The following YWHAG variants were observed in gnomAD, a reference collection of about 807,000 sequenced individuals.
YWHAG encodes 14-3-3 protein gamma.
YWHAG carries 1 observed loss-of-function variant against 23.3 expected under a neutral mutation model. The ratio of observed to expected loss-of-function variants is 0.04; its 90% CI spans 0.02 to 0.20. The LOEUF (loss-of-function observed/expected upper bound fraction) is 0.20. YWHAG is among the 10% of genes least tolerant of loss of function. YWHAG has a pLI of 1.00. For missense variants in YWHAG, 151 were observed against 338.6 expected (o/e 0.45, Z 4.35); for synonymous variants, 160 against 144.0 (o/e 1.11, Z -0.80).
chr7:76,338,967 C>G (rs1489510507), intron 1 of YWHAG, among the ~76,000 whole-genome samples: 1 of 152,168 alleles, frequency 6.6e-6, no homozygotes, highest in Non-Finnish European at 1.5e-5. Context: ...AATTTTGTAC[C>G]GATGACTAGT....
intron 1 of YWHAG, among the ~76,000 whole-genome samples, chr7:76,358,172 A>T (rs1803988713): frequency 6.6e-6 from 1 of 151,770 alleles, no homozygotes; most frequent in Non-Finnish European, 1.5e-5. Context: ...TTTTCAAGAG[A>T]CCCTATACAA....
chr7:76,343,876 G>T (rs559104502), intron 1 of YWHAG, among the ~76,000 whole-genome samples: 1 of 152,266 alleles, frequency 6.6e-6, no homozygotes, highest in African/African-American at 2.4e-5. Context: ...TAAATTGTGA[G>T]AATTAACAAA....
chr7:76,348,350 T>C (rs926001894), intron 1 of YWHAG, among the ~76,000 whole-genome samples: 1 of 148,738 alleles, frequency 6.7e-6, no homozygotes, highest in Non-Finnish European at 1.5e-5. Context: ...CCTGTCTCCC[T>C]GGTTCTAGTG....
chr7:76,327,849 G>T lies in YWHAG; in HGVS notation c.*1728C>A, dbSNP rs1054269528. 1 of 152,050 alleles carries T rather than the reference G, an allele frequency of 6.6e-6. No individual in the cohort carries two copies. Among genetic ancestry groups the T allele is most frequent in the Non-Finnish European group, 1.5e-5 (1 of 68,014 alleles). The allele number at this position is 152,050 out of a possible 1,614,324, so 9.4% of individuals were successfully genotyped here. A position where few individuals can be genotyped will look rare whatever the true frequency, so the allele number is the denominator to read the frequency against. On this transcript the variant is annotated 3_prime_UTR_variant, in exon 2 of 2. Coordinates refer to ENST00000307630, the MANE Select transcript of YWHAG (RefSeq NM_012479.4). ...TAAGGAAAGTCATGCTGGGTAAACT[G>T]TGCGATGTTACAGAGCACATTGAGT...
intron 1 of YWHAG, among the ~76,000 whole-genome samples, chr7:76,336,988 T>C (rs1160509215): frequency 6.6e-6 from 1 of 152,204 alleles, no homozygotes; most frequent in Non-Finnish European, 1.5e-5. Flanking sequence ...GATAAACCAC[T>C]GCAAACGGAT....
At chr7:76,332,082 C>T (rs1249172432) in intron 1 of YWHAG, among the ~76,000 whole-genome samples, 2 of 152,168 alleles carry the variant, frequency 1.3e-5, no homozygotes, top group Non-Finnish European at 2.9e-5. Context: ...CTAGACATTA[C>T]TGATGCTCTG....
intron 1 of YWHAG, 92 bp downstream of exon 1, chr7:76,358,630 C>G: frequency 7.6e-7 from 1 of 1,309,028 alleles, no homozygotes; most frequent in East Asian, 2.8e-5. Context: ...AACCCGCCAT[C>G]GCGACAGGGC....
chr7:76,335,256 T>C (rs976263229), intron 1 of YWHAG, among the ~76,000 whole-genome samples: 7 of 152,024 alleles, frequency 4.6e-5, no homozygotes, highest in Non-Finnish European at 8.8e-5. Flanking sequence ...CGGGGTTTCA[T>C]CATGTTGGCC....
At position 76,332,649 on chromosome 7, in the gene YWHAG, T is replaced by A. The variant is rs567188844; in HGVS notation, c.88-2416A>T. On this transcript the variant is annotated intron_variant, in intron 1 of 1. Coordinates refer to ENST00000307630, the MANE Select transcript of YWHAG (RefSeq NM_012479.4). ...AATCCTCCCACCTCAATCTCCAGAG[T>A]ACCTGGGACTACAGGTGTGCACCAC... Among the ~76,000 whole-genome samples the A allele has an allele frequency of 4.6e-5, 7 of 151,604 alleles. 1 individual carries two copies. The South Asian group carries it at 1.3e-3, about 27-fold the overall frequency.
At chr7:76,343,817 A>C (rs537384552) in intron 1 of YWHAG, among the ~76,000 whole-genome samples, 1 of 152,326 alleles carries the variant, frequency 6.6e-6, no homozygotes, top group South Asian at 2.1e-4. Context: ...GCCTGGGTTA[A>C]CCTGGAGGTG....
At chr7:76,354,262 G>C (rs1803917357) in intron 1 of YWHAG, among the ~76,000 whole-genome samples, 1 of 152,188 alleles carries the variant, frequency 6.6e-6, no homozygotes, top group Non-Finnish European at 1.5e-5. Flanking sequence ...TGTAATCCCA[G>C]CACTTTGGGA....
At chr7:76,357,817 G>A (rs922829470) in intron 1 of YWHAG, among the ~76,000 whole-genome samples, 1 of 152,130 alleles carries the variant, frequency 6.6e-6, no homozygotes, top group Non-Finnish European at 1.5e-5. Flanking sequence ...GGCTTTGTTT[G>A]CACTATCAGA....
At chr7:76,338,225 A>G (rs1302081585) in intron 1 of YWHAG, among the ~76,000 whole-genome samples, 1 of 152,230 alleles carries the variant, frequency 6.6e-6, no homozygotes, top group Non-Finnish European at 1.5e-5. Context: ...AAACTTGGAG[A>G]AAATTTTAAT....
intron 1 of YWHAG, 140 bp from the exon 2 acceptor site, chr7:76,330,373 G>T: frequency 1.1e-6 from 1 of 941,876 alleles, no homozygotes; most frequent in Non-Finnish European, 1.5e-6. Context: ...TGGGGGAAGG[G>T]GGCTGGAGGT....
chr7:76,358,945 G>T lies in YWHAG; in HGVS notation c.-137C>A, dbSNP rs921877559. 1.5e-5 allele frequency: 11 copies of T among 748,906 alleles called. 1 individual carries two copies. Among genetic ancestry groups the T allele is most frequent in the African/African-American group, 5.5e-5 (3 of 54,248 alleles). 46.4% of individuals were successfully genotyped at this position (748,906 alleles called of 1,614,324 possible). On this transcript the variant is annotated 5_prime_UTR_variant, in exon 1 of 2. Transcript: ENST00000307630. ...GCAGCTGAGGCGGCGGCTGCGCGGA[G>T]GAGGCGGCTGGAGCTGCGACCGCGG...
chr7:76,333,177 C>T (rs1190908097), intron 1 of YWHAG, among the ~76,000 whole-genome samples: 9 of 152,270 alleles, frequency 5.9e-5, no homozygotes, highest in Admixed American at 5.9e-4. Context: ...GCCATGTTGC[C>T]CAGGCTGGCC....
chr7:76,333,850 T>A (rs1323107890), intron 1 of YWHAG, among the ~76,000 whole-genome samples: 6 of 152,242 alleles, frequency 3.9e-5, no homozygotes, highest in Non-Finnish European at 7.3e-5. Flanking sequence ...CCCTAAATCA[T>A]GTTGTCCTTA....
Position 76,329,492 on chromosome 7 carries a change from C to CA in YWHAG, c.*84_*85insT. 3.7e-6 allele frequency: 4 copies of CA among 1,070,710 alleles called. No individual in the cohort carries two copies. Among genetic ancestry groups the CA allele is most frequent in the Non-Finnish European group, 5.1e-6 (4 of 782,490 alleles). 66.3% of individuals were successfully genotyped at this position (1,070,710 alleles called of 1,614,324 possible). On this transcript the variant is annotated 3_prime_UTR_variant, in exon 2 of 2. Transcript: ENST00000307630. The surrounding 1 kb of genome is among the most constrained non-coding windows in gnomAD (Gnocchi z 6.1). ...CTGGGAAGGTCATCCCTCCCTTTCC[C>CA]TCCCCCACCCGACCCCCAACTCATG...
chr7:76,333,645 C>G (rs917248530), intron 1 of YWHAG, among the ~76,000 whole-genome samples: 1 of 152,090 alleles, frequency 6.6e-6, no homozygotes, highest in Non-Finnish European at 1.5e-5. Flanking sequence ...TCCATACAGC[C>G]TGAAAAAAAA....
Sources: allele counts gnomAD v4.1 joint callset (sites outside exome capture counted in the v4.1 genomes callset), GRCh38; gene constraint gnomAD v4.1.1; non-coding constraint Gnocchi (gnomAD v3.1); transcripts MANE v1.5; gene names NCBI Gene and HGNC (gene_info 2026-07-23, HGNC 2026-07-21).